PANK2: variants seen among roughly 807,000 people sequenced by gnomAD.
The protein encoded by PANK2 is pantothenate kinase 2, mitochondrial.
PANK2 carries 36 observed loss-of-function variants against 43.1 expected under a neutral mutation model. The ratio of observed to expected loss-of-function variants is 0.84; its 90% CI spans 0.64 to 1.10. The LOEUF is 1.10. Ranked by LOEUF, PANK2 falls within the 50% of genes least tolerant of loss-of-function variation. The probability of loss-of-function intolerance (pLI) is 0.00; values close to 1 mark genes in which losing one functional copy is unlikely to be tolerated. For missense variants in PANK2, 576 were observed against 593.3 expected, an observed-to-expected ratio of 0.97 and a Z score of 0.30; for synonymous variants, 281 against 238.2, an observed-to-expected ratio of 1.18 and a Z score of -1.66.
chr20:3,901,003 C>G lies in PANK2; in HGVS notation c.299-6923C>G, dbSNP rs762083304. On this transcript the variant is annotated intron_variant, in intron 1 of 6. Coordinates refer to ENST00000610179, the MANE Select transcript of PANK2 (RefSeq NM_001386393.1). ...CAGGCTGGTCTCGAACTCATGACCT[C>G]AAGTGATCCACCTGCCTTGGCCTCC... 2.4e-4 allele frequency among the ~76,000 whole-genome samples: 36 copies of G among 151,818 alleles called. 1 individual carries two copies. Among genetic ancestry groups the G allele is most frequent in the Non-Finnish European group, 4.0e-4 (27 of 68,006 alleles).
chr20:3,889,090 G>C (rs71647826), upstream of PANK2: 1 of 1,534,032 alleles, frequency 6.5e-7, no homozygotes, highest in African/African-American at 1.4e-5. Context: ...GGGGGCGGAA[G>C]GAGGGGGTGG....
intron 4 of PANK2, among the ~76,000 whole-genome samples, chr20:3,914,001 G>A (rs938120757): frequency 8.6e-5 from 13 of 151,454 alleles, no homozygotes; most frequent in Admixed American, 7.9e-4. Context: ...ATGTTGGCCA[G>A]GATGGTCTCG....
rs976720404 is a variant in PANK2 at position 3,928,070 on chromosome 20, T to C, written c.*4776T>C. The stretch of plus-strand genomic sequence containing the variant: ...CACATGGGGATCCCTTATTAATCTT[T>C]ACTAAAGAACCGTGAACCAGCATTT... On this transcript the variant is annotated 3_prime_UTR_variant, in exon 7 of 7. Coordinates refer to ENST00000610179, the MANE Select transcript of PANK2 (RefSeq NM_001386393.1). The C allele has an allele frequency of 8.5e-5, 13 of 152,176 alleles. No homozygotes were observed. Among genetic ancestry groups the C allele is most frequent in the African/African-American group, 3.1e-4 (13 of 41,440 alleles). 9.4% of individuals were successfully genotyped at this position (152,176 alleles called of 1,614,324 possible).
chr20:3,914,984 A>C (rs1317986830), intron 4 of PANK2, among the ~76,000 whole-genome samples: 1 of 152,180 alleles, frequency 6.6e-6, no homozygotes, highest in Non-Finnish European at 1.5e-5. Context: ...TCTATTGCTA[A>C]GTTTTTAGTT....
intron 1 of PANK2, among the ~76,000 whole-genome samples, chr20:3,900,033 G>A (rs1295635034): frequency 2.0e-5 from 3 of 151,924 alleles, no homozygotes; most frequent in Admixed American, 1.3e-4. Flanking sequence ...GCACATGAGA[G>A]AGTTTTTTTT....
intron 1 of PANK2, among the ~76,000 whole-genome samples, chr20:3,899,214 C>T (rs543341753): frequency 1.4e-5 from 2 of 145,660 alleles, no homozygotes; most frequent in African/African-American, 5.0e-5. Context: ...CTCTGTCATC[C>T]AGGCTGGAGT....
intron 2 of PANK2, chr20:3,908,765 G>A (rs936875427): frequency 9.7e-6 from 2 of 206,648 alleles, no homozygotes; most frequent in Non-Finnish European, 2.0e-5. Context: ...ATGGGTGACT[G>A]CAGAGCCCTC....
chr20:3,916,832 T>G lies in PANK2; in HGVS notation c.1083-95T>G, dbSNP rs1438232908. 46 of 1,551,908 alleles carry G rather than the reference T, an allele frequency of 3.0e-5. 2 individuals carry two copies. The highest frequency in any genetic ancestry group is 1.5e-4 in the Admixed American group (8 of 54,954). ...TTTGAAGATTTCAACAATGTTGCCC[T>G]AAAAGCTAATTTTATTTCAATAAAG... On this transcript the variant is annotated intron_variant, in intron 4 of 6. Transcript: ENST00000610179.
chr20:3,896,478 ACTCC>A (rs2090210962), intron 1 of PANK2, among the ~76,000 whole-genome samples: 1 of 151,738 alleles, frequency 6.6e-6, no homozygotes, highest in Non-Finnish European at 1.5e-5. Flanking sequence ...ATCCTTAGAA[ACTCC>A]ACAGTGATGT....
chr20:3,913,994 T>A (rs1223465802), intron 4 of PANK2, among the ~76,000 whole-genome samples: 25 of 151,672 alleles, frequency 1.6e-4, no homozygotes, highest in Admixed American at 2.6e-4. Flanking sequence ...TTTCACTATG[T>A]TGGCCAGGAT....
At chr20:3,918,633 T>C (rs771108852) in intron 5 of PANK2, 38 bp from the exon 6 acceptor site, 7 of 1,613,702 alleles carry the variant, frequency 4.3e-6, no homozygotes, top group Non-Finnish European at 3.4e-6. Context: ...AAATAGAAAT[T>C]AAGATGAAAA....
chr20:3,889,383 C>G (rs558404718), upstream of PANK2: 2 of 1,575,706 alleles, frequency 1.3e-6, no homozygotes, highest in Admixed American at 1.9e-5. Context: ...GAGGGCGCGC[C>G]TCTGCTCTGG....
Position 3,922,304 on chromosome 20 carries a change from T to C in PANK2, c.1333-940T>C, listed in dbSNP as rs71647853. On this transcript the variant is annotated intron_variant, in intron 6 of 6. Coordinates refer to ENST00000610179, the MANE Select transcript of PANK2 (RefSeq NM_001386393.1). The stretch of plus-strand genomic sequence containing the variant: ...GCTAGTGTTCTCTTTTCTGTCATTA[T>C]GGGGTTTGCCCCGTTTTCTCTAATG... 5.3e-5 allele frequency among the ~76,000 whole-genome samples: 8 copies of C among 152,356 alleles called. No individual in the cohort carries two copies. In the East Asian group the frequency reaches 1.5e-3, roughly 29 times the overall value.
At chr20:3,890,568 T>G (rs1216449804) in intron 1 of PANK2, among the ~76,000 whole-genome samples, 1 of 152,230 alleles carries the variant, frequency 6.6e-6, no homozygotes, top group African/African-American at 2.4e-5. Context: ...TACTGTAATA[T>G]GAGCTTTACA....
At chr20:3,897,477 G>C (rs2090228593) in intron 1 of PANK2, among the ~76,000 whole-genome samples, 1 of 151,542 alleles carries the variant, frequency 6.6e-6, no homozygotes, top group African/African-American at 2.4e-5. Context: ...GAGGCGGGTG[G>C]ATCGCTTGAG....
intron 2 of PANK2, 68 bp from the exon 3 acceptor site, chr20:3,910,509 T>G: frequency 6.4e-7 from 1 of 1,568,956 alleles, no homozygotes; most frequent in Non-Finnish European, 8.8e-7. Context: ...TGGGGATGCC[T>G]TATTGAATGG....
chr20:3,923,329 C>T lies in PANK2; in HGVS notation c.*35C>T. The T allele has an allele frequency of 6.2e-7, 1 of 1,607,170 alleles. No homozygotes were observed. Among genetic ancestry groups the T allele is most frequent in the East Asian group, 2.2e-5 (1 of 44,854 alleles). On this transcript the variant is annotated 3_prime_UTR_variant, in exon 7 of 7. Coordinates refer to ENST00000610179, the MANE Select transcript of PANK2 (RefSeq NM_001386393.1). ...GGGGAGGGGTTCCTGAAACCTTCCACAATGGGATCTGTGGACTTTCATTTT... is the reference window on the plus strand; with the variant it reads ...GGGGAGGGGTTCCTGAAACCTTCCATAATGGGATCTGTGGACTTTCATTTT...
At chr20:3,910,933 T>C in intron 3 of PANK2, 103 bp downstream of exon 3, 1 of 1,402,854 alleles carries the variant, frequency 7.1e-7, no homozygotes, top group Non-Finnish European at 1.0e-6. Flanking sequence ...TAGGTGAAAG[T>C]GTTTCTGGAT....
At chr20:3,893,412 TTAAA>T (rs763918922) in intron 1 of PANK2, among the ~76,000 whole-genome samples, 62 of 152,178 alleles carry the variant, frequency 4.1e-4, no homozygotes, top group Non-Finnish European at 8.1e-4. Context: ...TGAGGCATAA[TTAAA>T]TAGAGTAAAA....
Sources: allele counts gnomAD v4.1 joint callset (sites outside exome capture counted in the v4.1 genomes callset), GRCh38; gene constraint gnomAD v4.1.1; transcripts MANE v1.5; gene names NCBI Gene and HGNC (gene_info 2026-07-23, HGNC 2026-07-21).